TAF6: variants seen among roughly 807,000 people sequenced by gnomAD.
The protein encoded by TAF6 is transcription initiation factor TFIID subunit 6.
In TAF6, 50 loss-of-function variants were observed where a neutral mutation model predicts 73.5. That is an observed-to-expected ratio of 0.68 (90% confidence interval 0.54 to 0.86). The LOEUF is 0.86. TAF6 is among the 40% of genes least tolerant of loss of function. The pLI is 0.00. For synonymous variants in TAF6, 424 were observed against 376.7 expected (o/e 1.13, Z -1.45); for missense variants, 768 against 899.5 (o/e 0.85, Z 1.87).
chr7:100,114,572 T>G, intron 1 of TAF6: 1 of 572,256 alleles, frequency 1.7e-6, no homozygotes, highest in Non-Finnish European at 3.1e-6. Context: ...ATACAAAAAT[T>G]AGCAGGGCGT....
Position 100,113,640 on chromosome 7 carries a change from C to T in TAF6, c.373G>A (p.Val125Met). The T allele has an allele frequency of 1.2e-6, 2 of 1,614,064 alleles. No homozygotes were observed. The highest frequency in any genetic ancestry group is 1.7e-6 in the Non-Finnish European group (2 of 1,180,018). Residue 125 changes from valine (V) to methionine (M), a missense_variant, in exon 4 of 15, where the codon GTG becomes ATG. By Grantham distance (21) the Val-to-Met change is conservative (BLOSUM62 1). This residue lies in a region of TAF6 where 269 missense variants were observed against 268.0 expected (regional missense o/e 1.00). Coordinates refer to ENST00000453269, the MANE Select transcript of TAF6 (RefSeq NM_139315.3). ...CCTTTGAGGCAGACGTCCAGGGGCA[C>T]CCGGGGCAGAGGGGTATTGATGATG... ...SDIINTPLPR[V>M]PLDVCLKAHW...
chr7:100,121,798 C>T (rs954501817), upstream of TAF6, among the ~76,000 whole-genome samples: 28 of 151,534 alleles, frequency 1.8e-4, no homozygotes, highest in South Asian at 2.1e-4. Flanking sequence ...CGCCTGTAAT[C>T]CCAGTACTTT....
chr7:100,107,910 CCA>C lies in TAF6; in HGVS notation c.1656+14_1656+15del. ...CCAGGCCCTCCAGATGCTCCCTGTC[CCA>C]CAGCTCTGCATACCTGCTGGGTGGA... On this transcript the variant is annotated intron_variant, in intron 14 of 14. Coordinates refer to ENST00000453269, the MANE Select transcript of TAF6 (RefSeq NM_139315.3). 6.3e-7 allele frequency: 1 copy of C among 1,592,198 alleles called. No individual in the cohort carries two copies. Among genetic ancestry groups the C allele is most frequent in the Non-Finnish European group, 8.6e-7 (1 of 1,166,852 alleles).
At chr7:100,119,956 C>T (rs1045522135), upstream of TAF6, 7 of 1,164,956 alleles carry the variant, frequency 6.0e-6, no homozygotes, top group Admixed American at 8.8e-5. Context: ...GGTCACCCGA[C>T]CTCCTTGAAG....
upstream of TAF6, chr7:100,121,116 A>ATTTTTTTTTTTTTT (rs1163501525): frequency 1.9e-5 from 1 of 52,800 alleles, no homozygotes; most frequent in Non-Finnish European, 3.2e-5. Flanking sequence ...ATATATATAT[A>ATTTTTTTTTTTTTT]TTTTTTTTTT....
rs978765954 is a variant in TAF6, at chr7:100,112,237, C to A, written c.591G>T (p.Ala197=). The change falls in exon 7 of 15, where the codon GCG becomes GCT. Residue 197 remains alanine, a synonymous_variant. Transcript: ENST00000453269. ...TADGKGKEKK[A]PPLLEGAPLR... The stretch of plus-strand genomic sequence containing the variant: ...AGGGGGCCCCCTCCAGCAAGGGCGG[C>A]GCCTTCTTCTCTTTCCCTGTGTGAT... 1 of 1,613,536 alleles carries A rather than the reference C, an allele frequency of 6.2e-7. No homozygotes were observed.
At chr7:100,120,783 G>A (rs1024988405), upstream of TAF6, among the ~76,000 whole-genome samples, 2 of 152,132 alleles carry the variant, frequency 1.3e-5, no homozygotes, top group Admixed American at 6.6e-5. Flanking sequence ...TGTAATCCCA[G>A]CACTTTGGAA....
the TAF6 span, chr7:100,127,047 A>G: frequency 7.2e-6 from 2 of 276,384 alleles, no homozygotes; most frequent in East Asian, 7.3e-5. This position sits in a 1 kb window ranked among gnomAD's most constrained non-coding sequence, Gnocchi z 4.6. Context: ...GTGAGGCAAG[A>G]CCTAGCAGAG....
At chr7:100,122,282 C>G (rs569562640), upstream of TAF6, 12 of 1,614,096 alleles carry the variant, frequency 7.4e-6, no homozygotes, top group Admixed American at 1.3e-4. Context: ...GAGCACAGAG[C>G]TACAGGCGGA....
At chr7:100,109,597 A>C (rs1311808632) in intron 12 of TAF6, among the ~76,000 whole-genome samples, 2 of 150,988 alleles carry the variant, frequency 1.3e-5, no homozygotes, top group Non-Finnish European at 2.9e-5. Context: ...CCTGGGTTCA[A>C]GCAATCCTCC....
intron 1 of TAF6, among the ~76,000 whole-genome samples, chr7:100,114,982 A>G (rs1160688020): frequency 6.6e-6 from 1 of 152,180 alleles, no homozygotes; most frequent in African/African-American, 2.4e-5. Flanking sequence ...TCAGCCTCCC[A>G]AGTAGCTGGG....
the TAF6 span, chr7:100,126,746 CT>C: frequency 6.6e-6 from 1 of 152,118 alleles, no homozygotes; most frequent in African/African-American, 2.4e-5. Context: ...GAGGTTGAGG[CT>C]GCAGTGAGGT....
At chr7:100,122,600 G>A (rs374997179), upstream of TAF6, 682 of 1,573,618 alleles carry the variant, frequency 4.3e-4, 1 homozygote, top group Middle Eastern at 1.7e-3. Context: ...CCCAGGGCAG[G>A]ACCCCACTTC....
intron 5 of TAF6, 145 bp from the exon 6 acceptor site, chr7:100,113,062 C>T (rs1206923717): frequency 1.7e-5 from 20 of 1,204,054 alleles, no homozygotes; most frequent in African/African-American, 6.1e-5. Flanking sequence ...GTCAGAAGTT[C>T]GAGACCAGCC....
rs1456366058 is a variant in TAF6 at position 100,107,437 on chromosome 7, C to T, written c.1843G>A (p.Gly615Arg). The change falls in exon 15 of 15, where the codon GGG (glycine) becomes AGG (arginine). Residue 615 changes from glycine (G) to arginine (R), a missense_variant. Transcript: ENST00000453269. ...GAGGTGGGGCCTCCTTTGCCCTCCC[C>T]TGTTGGGGGAAGTGAGACCACGATG... ...KYIVVSLPPT[G>R]EGKGGPTSHP... The T allele has an allele frequency of 1.2e-6, 2 of 1,611,860 alleles. No homozygotes were observed. The highest frequency in any genetic ancestry group is 1.7e-5 in the Admixed American group (1 of 59,788).
In TAF6 at chr7:100,111,073, T is replaced by C. The variant is rs1366415331; in HGVS notation, c.1083+66A>G. 10 of 1,563,632 alleles carry C rather than the reference T, an allele frequency of 6.4e-6. No individual in the cohort carries two copies. The Admixed American group carries it at 1.4e-4, about 21-fold the overall frequency. On this transcript the variant is annotated intron_variant, in intron 10 of 14. Coordinates refer to ENST00000453269, the MANE Select transcript of TAF6 (RefSeq NM_139315.3). ...CTTCCCTCTGCCCCCTTGTTTCCAG[T>C]GTGACTTCCCCCAACCAGAGGTGGC... is the stretch of plus-strand genomic sequence containing the variant.
chr7:100,127,071 C>G, the TAF6 span: 2,198 of 341,872 alleles, frequency 6.4e-3, 12 homozygotes, highest in South Asian at 0.012. This position sits in a 1 kb window ranked among gnomAD's most constrained non-coding sequence, Gnocchi z 4.6. Context: ...CAAGGTAGAG[C>G]GCGGCTAGGA....
chr7:100,112,374 C>T, intron 6 of TAF6, 121 bp from the exon 7 acceptor site: 1 of 1,389,380 alleles, frequency 7.2e-7, no homozygotes, highest in Non-Finnish European at 9.7e-7. Context: ...TTAGGCTCCC[C>T]CATCCTTTCT....
chr7:100,119,606 G>A, upstream of TAF6: 3 of 1,554,306 alleles, frequency 1.9e-6, no homozygotes, highest in Admixed American at 2.0e-5. Context: ...CCCCACCCTT[G>A]TTGGGCTGAT....
Sources: gnomAD v4.1 joint callset for allele counts (sites outside exome capture counted in the v4.1 genomes callset) on GRCh38, gnomAD v4.1.1 for gene constraint, gnomAD v4.1.1 regional missense constraint, Gnocchi (gnomAD v3.1) non-coding constraint, MANE v1.5 for transcripts, NCBI Gene and HGNC (gene_info 2026-07-23, HGNC 2026-07-21) for gene names.